Variants in METTL16 observed in about 807,000 individuals in gnomAD.
The protein encoded by METTL16 is RNA N(6)-adenosine-methyltransferase METTL16.
A neutral mutation model predicts 57.9 loss-of-function variants in METTL16; 19 were observed. The ratio of observed to expected loss-of-function variants is 0.33; its 90% CI spans 0.23 to 0.48. The LOEUF is 0.48. Ranked by LOEUF, METTL16 falls within the 20% of genes least tolerant of loss-of-function variation. The probability of loss-of-function intolerance (pLI) is 0.99; values close to 1 mark genes in which losing one functional copy is unlikely to be tolerated. For synonymous variants in METTL16, 246 were observed against 255.6 expected (o/e 0.96, Z 0.36); for missense variants, 434 against 691.5 (o/e 0.63, Z 4.18).
intron 6 of METTL16, among the ~76,000 whole-genome samples, chr17:2,448,773 T>TAAAAA (rs1391105641): frequency 3.4e-5 from 1 of 29,608 alleles, no homozygotes; most frequent in Admixed American, 3.8e-4. Context: ...AAATAAAAAA[T>TAAAAA]AAAAAAATAA....
At chr17:2,486,553 G>T (rs1322223187) in intron 2 of METTL16, among the ~76,000 whole-genome samples, 1 of 152,076 alleles carries the variant, frequency 6.6e-6, no homozygotes, top group Non-Finnish European at 1.5e-5. Flanking sequence ...TTACAGGTGT[G>T]AGCCACTGCA....
chr17:2,458,482 G>T (rs982346677), intron 6 of METTL16, among the ~76,000 whole-genome samples: 1 of 151,960 alleles, frequency 6.6e-6, no homozygotes, highest in Non-Finnish European at 1.5e-5. Context: ...GAGGCCAAGG[G>T]GGGCAGATCA....
intron 6 of METTL16, among the ~76,000 whole-genome samples, chr17:2,460,883 C>T (rs2067145135): frequency 7.5e-6 from 1 of 133,986 alleles, no homozygotes; most frequent in Non-Finnish European, 1.6e-5. Context: ...GAAACTCAGT[C>T]TCAAAAAAAA....
intron 6 of METTL16, among the ~76,000 whole-genome samples, chr17:2,450,468 G>A (rs925647918): frequency 3.3e-5 from 5 of 152,154 alleles, no homozygotes; most frequent in African/African-American, 1.2e-4. Flanking sequence ...CTGCAGAGGG[G>A]AACAGGAAAC....
chr17:2,461,881 C>CTCAT (rs907583902), intron 6 of METTL16, among the ~76,000 whole-genome samples: 99 of 152,170 alleles, frequency 6.5e-4, no homozygotes, highest in African/African-American at 2.3e-3. Context: ...GCCCAGCCTT[C>CTCAT]TCATGTCTTT....
chr17:2,478,110 T>C (rs1034333482), intron 2 of METTL16, among the ~76,000 whole-genome samples: 1 of 152,206 alleles, frequency 6.6e-6, no homozygotes, highest in Admixed American at 6.5e-5. Flanking sequence ...TATCCGTATA[T>C]GGAGCACAGA....
intron 8 of METTL16, among the ~76,000 whole-genome samples, chr17:2,427,466 A>G (rs1197988688): frequency 1.3e-5 from 2 of 152,212 alleles, no homozygotes; most frequent in Non-Finnish European, 1.5e-5. Flanking sequence ...TCCAAGGACA[A>G]AAAAGAATTG....
At chr17:2,444,679 T>A (rs940721060) in intron 6 of METTL16, among the ~76,000 whole-genome samples, 2 of 151,134 alleles carry the variant, frequency 1.3e-5, no homozygotes, top group African/African-American at 4.9e-5. Context: ...TCCTGCAAGC[T>A]CCACTCATGG....
rs1276055192 is a variant in METTL16 at position 2,420,677 on chromosome 17, A to G, written c.1062+54T>C. 6.4e-7 allele frequency: 1 copy of G among 1,564,552 alleles called. No individual in the cohort carries two copies. The highest frequency in any genetic ancestry group is 2.2e-5 in the East Asian group (1 of 44,534). On this transcript the variant is annotated intron_variant, in intron 9 of 9. Transcript: ENST00000263092. The surrounding 1 kb of genome is among the most constrained non-coding windows in gnomAD (Gnocchi z 5.4). Reference sequence around the variant, plus strand: ...CTCTCAATAAAAAAAAAAAGAAAAAAGAAAAAAGAGAAGGATCATTATGAG... The same window carrying G: ...CTCTCAATAAAAAAAAAAAGAAAAAGGAAAAAAGAGAAGGATCATTATGAG...
intron 2 of METTL16, among the ~76,000 whole-genome samples, chr17:2,501,850 T>C (rs911169317): frequency 6.7e-6 from 1 of 148,204 alleles, no homozygotes; most frequent in African/African-American, 2.5e-5. Flanking sequence ...AGAGCGAGAC[T>C]TTGTCTCAAA....
chr17:2,456,354 C>T (rs1339075202), intron 6 of METTL16, among the ~76,000 whole-genome samples: 1 of 152,192 alleles, frequency 6.6e-6, no homozygotes, highest in Non-Finnish European at 1.5e-5. Flanking sequence ...ACAGCCTCAA[C>T]AGATGGCAGT....
intron 1 of METTL16, among the ~76,000 whole-genome samples, chr17:2,510,179 A>G (rs1170239063): frequency 6.6e-6 from 1 of 152,198 alleles, no homozygotes; most frequent in East Asian, 1.9e-4. Flanking sequence ...TATTTTCCCA[A>G]TTTATGGGGG....
chr17:2,415,890 A>C (rs1444618406), downstream of METTL16: 1 of 152,246 alleles, frequency 6.6e-6, no homozygotes, highest in African/African-American at 2.4e-5. Context: ...CATTAACTAG[A>C]TATCAAGAAA....
intron 3 of METTL16, 172 bp downstream of exon 3, chr17:2,477,514 A>C: frequency 4.9e-6 from 3 of 607,714 alleles, no homozygotes; most frequent in Non-Finnish European, 8.7e-6. Flanking sequence ...CAGTGCTCAA[A>C]GGTTGCAGAT....
At chr17:2,511,218 CTTT>C (rs5818862) in intron 1 of METTL16, among the ~76,000 whole-genome samples, 1 of 146,762 alleles carries the variant, frequency 6.8e-6, no homozygotes, top group Non-Finnish European at 1.5e-5. Flanking sequence ...GAGGCTTTCC[CTTT>C]TTTTTTTTTT....
chr17:2,432,842 C>G (rs765202592), intron 8 of METTL16, among the ~76,000 whole-genome samples: 1 of 152,188 alleles, frequency 6.6e-6, no homozygotes, highest in Non-Finnish European at 1.5e-5. Flanking sequence ...GTTAAGTACA[C>G]TTAATCCTCA....
chr17:2,484,495 GTTCT>G (rs1314797108), intron 2 of METTL16, among the ~76,000 whole-genome samples: 1 of 151,164 alleles, frequency 6.6e-6, no homozygotes, highest in Admixed American at 6.6e-5. Flanking sequence ...CCACTACTCT[GTTCT>G]TTTTTTTTTT....
At chr17:2,466,090 G>C (rs1329322680) in intron 5 of METTL16, among the ~76,000 whole-genome samples, 2 of 151,540 alleles carry the variant, frequency 1.3e-5, no homozygotes, top group Non-Finnish European at 1.5e-5. Context: ...CTACTCAGAA[G>C]GCTGAGGCAG....
intron 8 of METTL16, among the ~76,000 whole-genome samples, chr17:2,435,123 AC>A (rs2066900274): frequency 7.8e-6 from 1 of 128,934 alleles, no homozygotes; most frequent in African/African-American, 4.3e-5. Context: ...CAACATTAGG[AC>A]CTTTTTGTTG....
Sources: gnomAD v4.1 joint callset for allele counts (sites outside exome capture counted in the v4.1 genomes callset) on GRCh38, gnomAD v4.1.1 for gene constraint, Gnocchi (gnomAD v3.1) non-coding constraint, MANE v1.5 for transcripts, NCBI Gene and HGNC (gene_info 2026-07-23, HGNC 2026-07-21) for gene names.